DIS3L2: variants seen among roughly 807,000 people sequenced by gnomAD.
DIS3L2 encodes the protein DIS3 like 3'-5' exoribonuclease 2.
A neutral mutation model predicts 97.5 loss-of-function variants in DIS3L2; 34 were observed. The observed-to-expected ratio is 0.35, with a 90% CI of 0.27 to 0.46. The LOEUF is 0.46. Ranked by LOEUF, DIS3L2 falls within the 20% of genes least tolerant of loss-of-function variation. DIS3L2 has a pLI of 1.00. For synonymous variants in DIS3L2, 435 were observed against 445.2 expected, an observed-to-expected ratio of 0.98 and a Z score of 0.29; for missense variants, 1,038 against 1,146.0, an observed-to-expected ratio of 0.91 and a Z score of 1.36.
intron 14 of DIS3L2, 26 bp from the exon 15 acceptor site, chr2:232,329,787 C>A: frequency 1.9e-6 from 2 of 1,062,202 alleles, no homozygotes; most frequent in South Asian, 4.1e-5. Context: ...CCCAGCGGTC[C>A]CTCCCATCCC....
At chr2:232,312,870 T>C (rs1695173656) in intron 14 of DIS3L2, among the ~76,000 whole-genome samples, 1 of 152,254 alleles carries the variant, frequency 6.6e-6, no homozygotes, top group African/African-American at 2.4e-5. Context: ...TAAATTTAAT[T>C]TTCTCTTTGT....
At chr2:232,285,004 A>G (rs1166258448) in intron 13 of DIS3L2, among the ~76,000 whole-genome samples, 1 of 152,240 alleles carries the variant, frequency 6.6e-6, no homozygotes, top group African/African-American at 2.4e-5. Flanking sequence ...GAAGTCCTGA[A>G]TAGGGGCCCT....
In DIS3L2 at chr2:232,076,135, C is replaced by T. The variant is rs568640946; in HGVS notation, c.367-11352C>T. On this transcript the variant is annotated intron_variant, in intron 5 of 20. Coordinates refer to ENST00000325385, the MANE Select transcript of DIS3L2 (RefSeq NM_152383.5). ...AGTTGGCATTTAGGGCTCTTGACATCTTGATCTTCCTTTCTCCCTCTTGTT... is the reference window on the plus strand; with the variant it reads ...AGTTGGCATTTAGGGCTCTTGACATTTTGATCTTCCTTTCTCCCTCTTGTT... 3.9e-5 allele frequency among the ~76,000 whole-genome samples: 6 copies of T among 152,296 alleles called. No individual in the cohort carries two copies. In the East Asian group the frequency reaches 1.2e-3, roughly 29 times the overall value.
At chr2:232,229,536 G>A (rs1370258203) in intron 10 of DIS3L2, among the ~76,000 whole-genome samples, 2 of 152,230 alleles carry the variant, frequency 1.3e-5, no homozygotes, top group Non-Finnish European at 2.9e-5. Context: ...ATTCCCAGAC[G>A]TTGAGTGCGC....
At chr2:232,020,717 A>G (rs1694489370) in intron 3 of DIS3L2, among the ~76,000 whole-genome samples, 1 of 152,066 alleles carries the variant, frequency 6.6e-6, no homozygotes, top group South Asian at 2.1e-4. Context: ...TGTGATGTGA[A>G]AGCGGGCAAT....
chr2:232,144,921 C>T (rs1381038856), intron 8 of DIS3L2, among the ~76,000 whole-genome samples: 1 of 152,194 alleles, frequency 6.6e-6, no homozygotes, highest in Non-Finnish European at 1.5e-5. Context: ...AGGTGATGTG[C>T]ATCTTATCGG....
chr2:232,137,464 T>G (rs73003130), intron 8 of DIS3L2, among the ~76,000 whole-genome samples: 1,796 of 152,342 alleles, frequency 0.012, 17 homozygotes, highest in Non-Finnish European at 0.016. Context: ...AGGAAATGAC[T>G]ATAAAGGTAT....
intron 11 of DIS3L2, among the ~76,000 whole-genome samples, chr2:232,242,366 G>GT (rs916262262): frequency 2.0e-5 from 3 of 152,188 alleles, no homozygotes; most frequent in African/African-American, 7.2e-5. Context: ...GGGAGTGTGG[G>GT]TGGGGAGCCA....
chr2:232,339,860 A>G (rs1696066825), downstream of DIS3L2: 1 of 382,488 alleles, frequency 2.6e-6, no homozygotes, highest in South Asian at 1.9e-5. Context: ...AGAATGGACC[A>G]GGAGGTCCCG....
At chr2:232,058,468 A>T (rs1372128311) in intron 5 of DIS3L2, among the ~76,000 whole-genome samples, 1 of 152,162 alleles carries the variant, frequency 6.6e-6, no homozygotes, top group Non-Finnish European at 1.5e-5. Flanking sequence ...TTCTAATTAG[A>T]ACTAGTAAGC....
chr2:232,127,062 G>A (rs898844486), intron 6 of DIS3L2, among the ~76,000 whole-genome samples: 1 of 152,196 alleles, frequency 6.6e-6, no homozygotes, highest in African/African-American at 2.4e-5. Context: ...GTATAGCAGT[G>A]TGGTGCACTG....
At chr2:232,207,321 A>G (rs1692054231) in intron 9 of DIS3L2, among the ~76,000 whole-genome samples, 1 of 152,178 alleles carries the variant, frequency 6.6e-6, no homozygotes. Flanking sequence ...GATCCTCATC[A>G]ATTACAGCCC....
At chr2:232,306,944 C>T (rs1295773352) in intron 14 of DIS3L2, among the ~76,000 whole-genome samples, 1 of 152,232 alleles carries the variant, frequency 6.6e-6, no homozygotes, top group African/African-American at 2.4e-5. Flanking sequence ...CTAGAACATC[C>T]CTCTTTCCCA....
intron 13 of DIS3L2, among the ~76,000 whole-genome samples, chr2:232,289,734 G>A (rs1051507059): frequency 1.3e-4 from 20 of 152,290 alleles, no homozygotes; most frequent in Admixed American, 1.2e-3. Flanking sequence ...ATAAAGTGTA[G>A]ACCATCTCTG....
chr2:232,250,601 T>C (rs1392137659), intron 12 of DIS3L2, among the ~76,000 whole-genome samples: 1 of 152,002 alleles, frequency 6.6e-6, no homozygotes, highest in Non-Finnish European at 1.5e-5. Flanking sequence ...CTAACAACAG[T>C]ATTGAAAGTT....
chr2:232,030,481 C>G (rs1694775791), intron 5 of DIS3L2, among the ~76,000 whole-genome samples: 1 of 152,130 alleles, frequency 6.6e-6, no homozygotes, highest in Non-Finnish European at 1.5e-5. Context: ...AGTGGAAAAC[C>G]CAGGCAATAC....
intron 6 of DIS3L2, among the ~76,000 whole-genome samples, chr2:232,095,803 T>C (rs1188629177): frequency 6.6e-6 from 1 of 152,176 alleles, no homozygotes; most frequent in Non-Finnish European, 1.5e-5. Context: ...TTATTTCTCC[T>C]TGATGTTTGA....
At chr2:232,242,482 T>C (rs537934465) in intron 11 of DIS3L2, among the ~76,000 whole-genome samples, 1 of 152,310 alleles carries the variant, frequency 6.6e-6, no homozygotes, top group African/African-American at 2.4e-5. Flanking sequence ...ACATCACTGC[T>C]AGTCCTTCCT....
intron 5 of DIS3L2, among the ~76,000 whole-genome samples, chr2:232,077,211 C>G (rs79036504): frequency 6.6e-6 from 1 of 151,772 alleles, no homozygotes; most frequent in Non-Finnish European, 1.5e-5. Context: ...CTCTGTCTTC[C>G]GGAGCATAGG....
Sources: allele counts gnomAD v4.1 joint callset (sites outside exome capture counted in the v4.1 genomes callset), GRCh38; gene constraint gnomAD v4.1.1; transcripts MANE v1.5; gene names NCBI Gene and HGNC (gene_info 2026-07-23, HGNC 2026-07-21).